Variants in LRP2 observed in about 807,000 individuals in gnomAD.
LRP2 encodes the protein low-density lipoprotein receptor-related protein 2.
In LRP2, 172 loss-of-function variants were observed where a neutral mutation model predicts 531.0. That is an observed-to-expected ratio of 0.32 (90% CI 0.29 to 0.37). The LOEUF is 0.37. LRP2 is among the 10% of genes least tolerant of loss of function. The probability of loss-of-function intolerance (pLI) is 1.00; values close to 1 mark genes in which losing one functional copy is unlikely to be tolerated. For synonymous variants in LRP2, 1,992 were observed against 2,027.6 expected (o/e 0.98, Z 0.47); for missense variants, 5,167 against 5,868.3 (o/e 0.88, Z 3.90).
chr2:169,202,615 A>T, intron 43 of LRP2, 141 bp downstream of exon 43: 1 of 820,778 alleles, frequency 1.2e-6, no homozygotes, highest in Non-Finnish European at 2.1e-6. Flanking sequence ...AGTCTGGATT[A>T]TCAGAGGAAA....
intron 44 of LRP2, 67 bp downstream of exon 44, chr2:169,201,561 T>C: frequency 6.2e-7 from 1 of 1,600,558 alleles, no homozygotes; most frequent in East Asian, 2.2e-5. Context: ...TTTTATATAA[T>C]AATTTCATCT....
intron 35 of LRP2, among the ~76,000 whole-genome samples, chr2:169,214,774 G>A (rs1688718332): frequency 6.6e-6 from 1 of 152,204 alleles, no homozygotes; most frequent in Admixed American, 6.5e-5. Context: ...CCAACTTGCT[G>A]ACTGTGGCTT....
At chr2:169,173,053 C>T (rs1687060724) in intron 57 of LRP2, 43 bp downstream of exon 57, 1 of 1,613,024 alleles carries the variant, frequency 6.2e-7, no homozygotes, top group Admixed American at 1.7e-5. Flanking sequence ...TTGACATGTG[C>T]ACTTTCTTGT....
intron 48 of LRP2, 77 bp downstream of exon 48, chr2:169,191,755 G>A: frequency 8.1e-7 from 1 of 1,237,956 alleles, no homozygotes; most frequent in African/African-American, 1.5e-5. Context: ...GTGGCCACGG[G>A]GTGCCTGATA....
intron 45 of LRP2, among the ~76,000 whole-genome samples, chr2:169,197,732 G>A (rs16856596): frequency 0.25 from 38,324 of 152,092 alleles, 5,297 homozygotes; most frequent in East Asian, 0.54. Context: ...GGAAGCAGAG[G>A]TCCCTGAAAA....
intron 20 of LRP2, 49 bp from the exon 21 acceptor site, chr2:169,247,035 G>A: frequency 6.3e-7 from 1 of 1,599,982 alleles, no homozygotes; most frequent in Non-Finnish European, 8.5e-7. Flanking sequence ...TTTTCACTAG[G>A]TAGGTCACGG....
intron 66 of LRP2, among the ~76,000 whole-genome samples, chr2:169,153,200 AT>A (rs1686209127): frequency 6.6e-6 from 1 of 152,230 alleles, no homozygotes; most frequent in Non-Finnish European, 1.5e-5. Context: ...AGTCATCTCT[AT>A]TTAAAAGTGA....
rs41268689 is a variant in LRP2, at chr2:169,213,855, C to T, written c.5842G>A (p.Val1948Met). The T allele has an allele frequency of 1.2e-4, 199 of 1,613,040 alleles. No individual in the cohort carries two copies. Among genetic ancestry groups the T allele is most frequent in the Admixed American group, 2.8e-4 (17 of 59,970 alleles). ...AGGATCATTCGATCTGTTCCATCCA[C>T]GTTTCCTCTTTCAATCTAAAGGATT... Reference protein sequence around the residue: ...TGRGVIERGNVDGTDRMILVH... With the variant: ...TGRGVIERGNMDGTDRMILVH... The change falls in exon 36 of 79, where the codon GTG becomes ATG. Residue 1948 changes from valine to methionine, a missense_variant. By Grantham distance (21) the Val-to-Met change is conservative. Transcript: ENST00000649046.
intron 3 of LRP2, among the ~76,000 whole-genome samples, chr2:169,313,622 C>T (rs1234995624): frequency 1.3e-5 from 2 of 152,212 alleles, no homozygotes; most frequent in African/African-American, 4.8e-5. Context: ...TCGGCCCCTA[C>T]TGGGAGGTGT....
At chr2:169,248,076 T>C (rs954735755) in intron 19 of LRP2, among the ~76,000 whole-genome samples, 3 of 152,234 alleles carry the variant, frequency 2.0e-5, no homozygotes, top group African/African-American at 7.2e-5. Flanking sequence ...GAACTTTCAG[T>C]GTATGTTTGA....
chr2:169,140,309 C>G, intron 72 of LRP2, 146 bp downstream of exon 72: 1 of 702,920 alleles, frequency 1.4e-6, no homozygotes, highest in Non-Finnish European at 2.6e-6. Context: ...TCTCTGTAGA[C>G]TCCCTCAAGG....
chr2:169,232,289 C>A (rs1472500950), intron 30 of LRP2, among the ~76,000 whole-genome samples: 1 of 151,546 alleles, frequency 6.6e-6, no homozygotes, highest in African/African-American at 2.4e-5. Flanking sequence ...AGATAATAAT[C>A]TTTTATTTTT....
chr2:169,154,487 C>A lies in LRP2; in HGVS notation c.12268G>T (p.Asp4090Tyr). Reference protein sequence around the residue: ...DEEYIQAVDYDWDPKDIGLSV... With the variant: ...DEEYIQAVDYYWDPKDIGLSV... ...AGGCCTATGTCCTTGGGATCCCAATCATAATCAACAGCTTGGATATATTCC... is the reference window on the plus strand; with the variant it reads ...AGGCCTATGTCCTTGGGATCCCAATAATAATCAACAGCTTGGATATATTCC... The change falls in exon 66 of 79, where the codon GAT becomes TAT. Residue 4090 changes from aspartate to tyrosine, a missense_variant. Asp to Tyr is a radical substitution (Grantham distance 160). Transcript: ENST00000649046. 6.2e-7 allele frequency: 1 copy of A among 1,612,906 alleles called. No individual in the cohort carries two copies. Among genetic ancestry groups the A allele is most frequent in the Non-Finnish European group, 8.5e-7 (1 of 1,179,030 alleles).
intron 3 of LRP2, among the ~76,000 whole-genome samples, chr2:169,313,587 G>A (rs1684677139): frequency 3.9e-5 from 6 of 152,162 alleles, no homozygotes; most frequent in Admixed American, 3.9e-4. Context: ...GTCTCAGAGG[G>A]GCACCTGGCC....
In LRP2 at chr2:169,292,524, G is replaced by GAT. The variant is rs34980705; in HGVS notation, c.653-156_653-155insAT. Among the ~76,000 whole-genome samples, 15,489 of 151,276 alleles carry GAT rather than the reference G, an allele frequency of 0.1. 976 individuals carry two copies. The highest frequency in any genetic ancestry group is 0.31 in the East Asian group (1,606 of 5,170). On this transcript the variant is annotated intron_variant, in intron 6 of 78. Transcript: ENST00000649046. ...CTTGACAAAAATTTTTAAAAAGGAG[G>GAT]AAAAAAAAGAGAGAGAAAGAAGAAG...
chr2:169,304,731 T>C (rs1227835667), intron 4 of LRP2, among the ~76,000 whole-genome samples: 1 of 152,184 alleles, frequency 6.6e-6, no homozygotes, highest in African/African-American at 2.4e-5. Context: ...GGAAACACTG[T>C]AATGTCTTTC....
chr2:169,274,791 C>G (rs1683509742), intron 14 of LRP2, among the ~76,000 whole-genome samples: 1 of 152,124 alleles, frequency 6.6e-6, no homozygotes, highest in African/African-American at 2.4e-5. Flanking sequence ...TAATAAACAT[C>G]TGTTAAATAA....
At chr2:169,306,724 C>T (rs1327884604) in intron 4 of LRP2, among the ~76,000 whole-genome samples, 1 of 152,032 alleles carries the variant, frequency 6.6e-6, no homozygotes, top group Non-Finnish European at 1.5e-5. Flanking sequence ...ACCATGATTG[C>T]ACTTTCTTAT....
intron 52 of LRP2, among the ~76,000 whole-genome samples, chr2:169,180,411 A>C (rs902220817): frequency 7.2e-5 from 11 of 152,254 alleles, no homozygotes; most frequent in Non-Finnish European, 1.3e-4. Flanking sequence ...GAGTGAGTTA[A>C]TATCTGCTAC....
Sources: gnomAD v4.1 joint callset for allele counts (sites outside exome capture counted in the v4.1 genomes callset) on GRCh38, gnomAD v4.1.1 for gene constraint, MANE v1.5 for transcripts, NCBI Gene and HGNC (gene_info 2026-07-23, HGNC 2026-07-21) for gene names.